Variants in RBFOX1 observed in about 807,000 individuals in gnomAD.
The protein encoded by RBFOX1 is RNA binding protein fox-1 homolog 1.
RBFOX1 carries 8 observed loss-of-function variants against 57.7 expected under a neutral mutation model. The ratio of observed to expected loss-of-function variants is 0.14; its 90% CI spans 0.08 to 0.25. The LOEUF (loss-of-function observed/expected upper bound fraction) is 0.25. Ranked by LOEUF, RBFOX1 falls within the 10% of genes least tolerant of loss-of-function variation. The pLI is 1.00. For synonymous variants in RBFOX1, 326 were observed against 222.4 expected, an observed-to-expected ratio of 1.47 and a Z score of -4.15; for missense variants, 611 against 548.5, an observed-to-expected ratio of 1.11 and a Z score of -1.14.
At chr16:7,292,666 T>C (rs1432916128) in intron 4 of RBFOX1, among the ~76,000 whole-genome samples, 1 of 151,778 alleles carries the variant, frequency 6.6e-6, no homozygotes, top group Non-Finnish European at 1.5e-5. Flanking sequence ...CTATGAGGCA[T>C]GTAAGAACGC....
intron 3 of RBFOX1, among the ~76,000 whole-genome samples, chr16:6,898,017 G>A (rs2067390399): frequency 6.6e-6 from 1 of 152,146 alleles, no homozygotes; most frequent in South Asian, 2.1e-4. Context: ...ATGGACAAGA[G>A]ACCAGGTCAG....
intron 13 of RBFOX1, 89 bp downstream of exon 13, chr16:7,665,057 A>G (rs1216134388): frequency 6.2e-7 from 1 of 1,611,568 alleles, no homozygotes; most frequent in Non-Finnish European, 8.5e-7. Flanking sequence ...TACTTGGCGT[A>G]GTTGAGTTTC....
chr16:5,753,561 G>A (rs948777237), intron 3 of RBFOX1, among the ~76,000 whole-genome samples: 2 of 152,166 alleles, frequency 1.3e-5, no homozygotes, highest in African/African-American at 4.8e-5. Context: ...GTGTGCTGCA[G>A]CCAGCTTGTA....
intron 3 of RBFOX1, among the ~76,000 whole-genome samples, chr16:7,016,065 C>T (rs545751002): frequency 6.6e-6 from 1 of 152,086 alleles, no homozygotes; most frequent in Admixed American, 6.6e-5. Context: ...TTAAGTGAGA[C>T]CATAAGGCTT....
intron 10 of RBFOX1, among the ~76,000 whole-genome samples, chr16:7,625,163 A>G (rs2059897134): frequency 6.6e-6 from 1 of 152,064 alleles, no homozygotes; most frequent in Non-Finnish European, 1.5e-5. Context: ...TTTAATGTGT[A>G]AATGCGGGTC....
intron 3 of RBFOX1, among the ~76,000 whole-genome samples, chr16:6,678,292 T>A (rs1198024594): frequency 6.6e-6 from 1 of 152,064 alleles, no homozygotes; most frequent in Non-Finnish European, 1.5e-5. Context: ...ACATGGCTAA[T>A]TTTTGTGTTT....
chr16:5,380,086 G>C (rs1388925899), intron 1 of RBFOX1, among the ~76,000 whole-genome samples: 2 of 152,122 alleles, frequency 1.3e-5, no homozygotes, highest in African/African-American at 4.8e-5. Context: ...AATTTTGAGA[G>C]GGTTAAGGAC....
At chr16:6,539,802 C>T (rs1247494151) in intron 2 of RBFOX1, among the ~76,000 whole-genome samples, 2 of 142,390 alleles carry the variant, frequency 1.4e-5, no homozygotes, top group Non-Finnish European at 3.0e-5. Flanking sequence ...CATCTCAAAA[C>T]ACAGACACAC....
intron 7 of RBFOX1, among the ~76,000 whole-genome samples, chr16:7,589,951 G>GTGTGTGTGTA: frequency 6.7e-6 from 1 of 149,316 alleles, no homozygotes; most frequent in Non-Finnish European, 1.5e-5. Flanking sequence ...GTGTGTGTGT[G>GTGTGTGTGTA]TATGCGGACA....
chr16:6,367,002 G>C (rs1375566528), intron 2 of RBFOX1, among the ~76,000 whole-genome samples: 1 of 152,088 alleles, frequency 6.6e-6, no homozygotes, highest in Non-Finnish European at 1.5e-5. Flanking sequence ...TGAAATCCTT[G>C]TCTTCCTTAT....
At chr16:6,726,517 A>C (rs182943633) in intron 3 of RBFOX1, among the ~76,000 whole-genome samples, 41 of 152,256 alleles carry the variant, frequency 2.7e-4, no homozygotes, top group African/African-American at 9.4e-4. Flanking sequence ...CTGAAATCAA[A>C]GTACAGTGCC....
chr16:5,861,225 TCTGTTCACCAGAACCATCTTCTCCC>T (rs1387267151), intron 3 of RBFOX1, among the ~76,000 whole-genome samples: 1 of 152,144 alleles, frequency 6.6e-6, no homozygotes, highest in African/African-American at 2.4e-5. Context: ...GCCAGCTGGG[TCTGTTCACCAGAACCATCTTCTCCC>T]CTTTGATACA....
intron 1 of RBFOX1, among the ~76,000 whole-genome samples, chr16:6,127,539 T>G (rs978595891): frequency 3.3e-5 from 5 of 152,192 alleles, no homozygotes; most frequent in African/African-American, 1.2e-4. Flanking sequence ...TAAGTTGACC[T>G]TGCAGAAATG....
chr16:7,015,684 A>G (rs553706353), intron 3 of RBFOX1, among the ~76,000 whole-genome samples: 1 of 152,262 alleles, frequency 6.6e-6, no homozygotes, highest in South Asian at 2.1e-4. Flanking sequence ...AAATTTTTTT[A>G]TGACTAGCGG....
chr16:6,234,456 G>A (rs572557154), intron 1 of RBFOX1, among the ~76,000 whole-genome samples: 1 of 152,244 alleles, frequency 6.6e-6, no homozygotes, highest in Non-Finnish European at 1.5e-5. Context: ...CTGCCACTTA[G>A]CATGGTGATG....
chr16:7,644,062 G>A (rs1175391229), intron 11 of RBFOX1, among the ~76,000 whole-genome samples: 1 of 152,210 alleles, frequency 6.6e-6, no homozygotes, highest in Non-Finnish European at 1.5e-5. Flanking sequence ...CAAACTGAGA[G>A]TCTCTAAGAA....
intron 3 of RBFOX1, among the ~76,000 whole-genome samples, chr16:6,870,046 C>T (rs903350428): frequency 1.3e-5 from 2 of 152,080 alleles, no homozygotes; most frequent in African/African-American, 4.8e-5. Flanking sequence ...GCTGGCCCTA[C>T]GAGTTTAAAA....
intron 4 of RBFOX1, among the ~76,000 whole-genome samples, chr16:7,190,447 C>G (rs950873638): frequency 2.0e-5 from 3 of 152,202 alleles, no homozygotes; most frequent in East Asian, 1.9e-4. Context: ...ATGCTTCCAA[C>G]TCTTCCACAA....
intron 3 of RBFOX1, among the ~76,000 whole-genome samples, chr16:7,026,077 G>A (rs1233573998): frequency 6.6e-6 from 1 of 152,180 alleles, no homozygotes; most frequent in Admixed American, 6.5e-5. Flanking sequence ...TGTCCAGGCT[G>A]GGGTGCTTGC....
Sources: allele counts gnomAD v4.1 joint callset (sites outside exome capture counted in the v4.1 genomes callset), GRCh38; gene constraint gnomAD v4.1.1; transcripts MANE v1.5; gene names NCBI Gene and HGNC (gene_info 2026-07-23, HGNC 2026-07-21).